XRN2: variants seen among roughly 807,000 people sequenced by gnomAD.
XRN2 encodes 5'-3' exoribonuclease 2, also known as DHM1-like protein.
A neutral mutation model predicts 138.5 loss-of-function variants in XRN2; 44 were observed. The ratio of observed to expected loss-of-function variants is 0.32; its 90% CI spans 0.25 to 0.41. XRN2 has a LOEUF of 0.41. Ranked by LOEUF, XRN2 falls within the 10% of genes least tolerant of loss-of-function variation. The pLI, the probability that XRN2 is intolerant of heterozygous loss-of-function variation, is 1.00. For missense variants in XRN2, 937 were observed against 1,169.3 expected, an observed-to-expected ratio of 0.80 and a Z score of 2.90; for synonymous variants, 354 against 369.4, an observed-to-expected ratio of 0.96 and a Z score of 0.48.
chr20:21,364,845 G>A (rs1368732273), intron 24 of XRN2, among the ~76,000 whole-genome samples: 1 of 151,554 alleles, frequency 6.6e-6, no homozygotes, highest in Non-Finnish European at 1.5e-5. Flanking sequence ...TTTTCAAATG[G>A]TGAAAATTAT....
At chr20:21,368,367 G>A in intron 26 of XRN2, 96 bp from the exon 27 acceptor site, 1 of 1,456,046 alleles carries the variant, frequency 6.9e-7, no homozygotes, top group Non-Finnish European at 9.3e-7. Flanking sequence ...TGTTAGTGAA[G>A]ACGTGGCTAT....
rs144358820 is a variant in XRN2, at chr20:21,378,332, A to G, written c.2585-3662A>G. Among the ~76,000 whole-genome samples the G allele has an allele frequency of 4.9e-3, 739 of 152,298 alleles. 3 individuals are homozygous for G. The highest frequency in any genetic ancestry group is 7.5e-3 in the Non-Finnish European group (509 of 68,024). On this transcript the variant is annotated intron_variant, in intron 27 of 29. Transcript: ENST00000377191. ...CCTCCTGATTAAGCAGCACAAAATCATGGGTGGTTCTCCTCTGCGTCTTCT... is the reference window on the plus strand; with the variant it reads ...CCTCCTGATTAAGCAGCACAAAATCGTGGGTGGTTCTCCTCTGCGTCTTCT...
At chr20:21,332,852 G>A in intron 9 of XRN2, among the ~76,000 whole-genome samples, 1 of 152,034 alleles carries the variant, frequency 6.6e-6, no homozygotes, top group Non-Finnish European at 1.5e-5. Context: ...TTTGTTTGTG[G>A]AAGTTATTTG....
chr20:21,338,681 T>A (rs2038332679), intron 13 of XRN2, among the ~76,000 whole-genome samples: 1 of 152,210 alleles, frequency 6.6e-6, no homozygotes, highest in Non-Finnish European at 1.5e-5. Context: ...ATTGTTGAGT[T>A]GTTTATTTTA....
intron 29 of XRN2, 112 bp downstream of exon 29, chr20:21,387,118 T>G: frequency 7.1e-7 from 1 of 1,412,920 alleles, no homozygotes; most frequent in Non-Finnish European, 9.5e-7. Flanking sequence ...TAGAGTAGCT[T>G]AGAGTAGCTT....
rs762901960 is a variant in XRN2 at position 21,332,388 on chromosome 20, T to C, written c.806T>C (p.Phe269Ser). The C allele has an allele frequency of 9.9e-6, 16 of 1,613,592 alleles. No homozygotes were observed. The highest frequency in any genetic ancestry group is 2.5e-6 in the Non-Finnish European group (3 of 1,179,742). The change falls in exon 9 of 30, where the codon TTT (phenylalanine) becomes TCT (serine). Residue 269 changes from phenylalanine to serine, a missense_variant. Transcript: ENST00000377191. Reference sequence around the variant, plus strand: ...AAACCATGTGGTCTTTGTAATCAGTTTGGACATGAGGTCAAAGATTGTGAA... The same window carrying C: ...AAACCATGTGGTCTTTGTAATCAGTCTGGACATGAGGTCAAAGATTGTGAA... ...KPKPCGLCNQ[F>S]GHEVKDCEGL... is the part of the protein sequence containing the mutation.
chr20:21,321,559 A>T lies in XRN2; in HGVS notation c.76-4720A>T, dbSNP rs570515916. 9.2e-5 allele frequency among the ~76,000 whole-genome samples: 14 copies of T among 151,662 alleles called. No individual in the cohort carries two copies. The East Asian group carries it at 2.5e-3, about 28-fold the overall frequency. ...GGCCTTGAACTCCTGGGTGCAAGTG[A>T]TTCTCCCGCTTCAGCCTCCCAAAAT... On this transcript the variant is annotated intron_variant, in intron 1 of 29. Coordinates refer to ENST00000377191, the MANE Select transcript of XRN2 (RefSeq NM_012255.5).
intron 3 of XRN2, among the ~76,000 whole-genome samples, chr20:21,327,229 A>G (rs746615574): frequency 5.3e-5 from 8 of 152,216 alleles, no homozygotes; most frequent in Non-Finnish European, 7.3e-5. Context: ...ACTGTATCCT[A>G]TAGGCAATGA....
Position 21,366,263 on chromosome 20 carries a change from T to G in XRN2, c.2456+559T>G, listed in dbSNP as rs1324827071. Reference sequence around the variant, plus strand: ...TATAAACTTTATGAAAATACTGGGTTTGGGCCGGGCACGGTGGCTCGCTCC... The same window carrying G: ...TATAAACTTTATGAAAATACTGGGTGTGGGCCGGGCACGGTGGCTCGCTCC... On this transcript the variant is annotated intron_variant, in intron 26 of 29. Coordinates refer to ENST00000377191, the MANE Select transcript of XRN2 (RefSeq NM_012255.5). 7.0e-5 allele frequency among the ~76,000 whole-genome samples: 10 copies of G among 142,080 alleles called. No homozygotes were observed. The Admixed American group carries it at 7.4e-4, about 10-fold the overall frequency. The allele number at this position is 142,080 out of a possible 152,430, so 93.2% of individuals were successfully genotyped here.
intron 1 of XRN2, among the ~76,000 whole-genome samples, chr20:21,305,011 C>T (rs1013438014): frequency 6.6e-6 from 1 of 152,058 alleles, no homozygotes; most frequent in Non-Finnish European, 1.5e-5. Context: ...TTGTCTTTTT[C>T]CCTGGGGCTG....
chr20:21,335,910 G>T (rs921922105), intron 13 of XRN2, among the ~76,000 whole-genome samples: 4 of 152,184 alleles, frequency 2.6e-5, no homozygotes, highest in African/African-American at 9.7e-5. Flanking sequence ...TGTTCCTGAA[G>T]TCATGCCATG....
chr20:21,349,912 A>G (rs937395416), intron 20 of XRN2, among the ~76,000 whole-genome samples: 1 of 152,206 alleles, frequency 6.6e-6, no homozygotes, highest in South Asian at 2.1e-4. Context: ...TGATAATTAC[A>G]TCTTTTGTTT....
rs370906780 is a variant in XRN2, at chr20:21,351,081, CGTT to C, written c.1936+1623_1936+1625del. ...TTGTTAAATAAGTAAATTATTAAAT[CGTT>C]GTCTGGGTTTATTAAGTAGATAATT... is the stretch of plus-strand genomic sequence containing the variant. On this transcript the variant is annotated intron_variant, in intron 20 of 29. Transcript: ENST00000377191. 6.2e-4 allele frequency among the ~76,000 whole-genome samples: 95 copies of C among 152,158 alleles called. 1 individual carries two copies. Among genetic ancestry groups the C allele is most frequent in the African/African-American group, 2.0e-3 (85 of 41,502 alleles).
chr20:21,335,582 G>GT lies in XRN2; in HGVS notation c.1233+1403dup, dbSNP rs1359126309. ...GTAATGTTTTTATGTGATGTCAAGA[G>GT]TTTTTTGCATATAGAATTCAAATTA... On this transcript the variant is annotated intron_variant, in intron 13 of 29. Transcript: ENST00000377191. Among the ~76,000 whole-genome samples the GT allele has an allele frequency of 5.3e-5, 8 of 152,312 alleles. No homozygotes were observed. In the East Asian group the frequency reaches 1.5e-3, roughly 29 times the overall value.
chr20:21,312,576 GCTT>G (rs1388816488), intron 1 of XRN2, among the ~76,000 whole-genome samples: 1 of 150,362 alleles, frequency 6.7e-6, no homozygotes, highest in Non-Finnish European at 1.5e-5. Flanking sequence ...GAGAGCCAGA[GCTT>G]CTTGTTAAAA....
intron 27 of XRN2, among the ~76,000 whole-genome samples, chr20:21,379,341 A>G: frequency 6.6e-6 from 1 of 152,232 alleles, no homozygotes; most frequent in Middle Eastern, 3.2e-3. Context: ...ATTACAGATC[A>G]GCCAGGAAAT....
chr20:21,312,684 A>G (rs1338848515), intron 1 of XRN2, among the ~76,000 whole-genome samples: 3 of 146,666 alleles, frequency 2.0e-5, no homozygotes, highest in Non-Finnish European at 3.0e-5. Flanking sequence ...ATCTCTGCTC[A>G]CTGCAACCTC....
Position 21,340,821 on chromosome 20 carries a change from C to T in XRN2, c.1379C>T (p.Ala460Val), listed in dbSNP as rs2038362286. Residue 460 changes from alanine to valine, a missense_variant, in exon 15 of 30, where the codon GCA (alanine) becomes GTA (valine). Coordinates refer to ENST00000377191, the MANE Select transcript of XRN2 (RefSeq NM_012255.5). ...CAAGTAGCCAGTAATCCGAGACAAG[C>T]AGCCTATGAAATGAGGATGCAGAAT... is the stretch of plus-strand genomic sequence containing the variant. ...GSQVASNPRQAAYEMRMQNNS... is the reference protein window; with the variant it reads ...GSQVASNPRQVAYEMRMQNNS... The T allele has an allele frequency of 8.1e-6, 13 of 1,613,928 alleles. No individual in the cohort carries two copies. Among genetic ancestry groups the T allele is most frequent in the Middle Eastern group, 1.7e-4 (1 of 6,060 alleles).
intron 27 of XRN2, among the ~76,000 whole-genome samples, chr20:21,373,825 T>G (rs897275889): frequency 6.6e-6 from 1 of 152,222 alleles, no homozygotes; most frequent in South Asian, 2.1e-4. Flanking sequence ...TAAATTGGGT[T>G]GTCTATCTTT....
Sources: allele counts gnomAD v4.1 joint callset (sites outside exome capture counted in the v4.1 genomes callset), GRCh38; gene constraint gnomAD v4.1.1; transcripts MANE v1.5; gene names NCBI Gene and HGNC (gene_info 2026-07-23, HGNC 2026-07-21).